TAFA2: variants seen among roughly 807,000 people sequenced by gnomAD.
The protein encoded by TAFA2 is TAFA chemokine like family member 2.
A neutral mutation model predicts 18.8 loss-of-function variants in TAFA2; 7 were observed. That is an observed-to-expected ratio of 0.37 (90% CI 0.21 to 0.70). The LOEUF (loss-of-function observed/expected upper bound fraction) is 0.70, where lower values mean the gene tolerates loss of function less well. TAFA2 is among the 30% of genes least tolerant of loss of function. TAFA2 has a pLI of 0.53. For missense variants in TAFA2, 122 were observed against 158.1 expected, an observed-to-expected ratio of 0.77 and a Z score of 1.23; for synonymous variants, 60 against 54.2, an observed-to-expected ratio of 1.11 and a Z score of -0.47.
chr12:61,960,601 C>T (rs113884561), intron 1 of TAFA2, among the ~76,000 whole-genome samples: 2,059 of 152,036 alleles, frequency 0.014, 11 homozygotes, highest in Non-Finnish European at 0.021. Context: ...TTTAGTCCTT[C>T]GGTTTCCCAT....
intron 2 of TAFA2, among the ~76,000 whole-genome samples, chr12:61,761,858 C>T (rs1869562177): frequency 6.6e-6 from 1 of 152,018 alleles, no homozygotes; most frequent in South Asian, 2.1e-4. Context: ...ATCCCCAATG[C>T]TGAAGATGGG....
At chr12:61,783,655 T>C (rs949599952) in intron 2 of TAFA2, among the ~76,000 whole-genome samples, 1 of 151,764 alleles carries the variant, frequency 6.6e-6, no homozygotes. Flanking sequence ...AAAAGGATAG[T>C]GAGCAAGAAA....
chr12:61,846,138 T>A (rs994439129), intron 2 of TAFA2, among the ~76,000 whole-genome samples: 2 of 152,166 alleles, frequency 1.3e-5, no homozygotes, highest in Non-Finnish European at 2.9e-5. Flanking sequence ...CAAAAGTTGA[T>A]CTTGAAAAAA....
intron 1 of TAFA2, among the ~76,000 whole-genome samples, chr12:62,075,967 C>G (rs1282272509): frequency 6.6e-6 from 1 of 152,194 alleles, no homozygotes; most frequent in Non-Finnish European, 1.5e-5. Flanking sequence ...CTAAACTGAA[C>G]TTCAGAGTGG....
intron 1 of TAFA2, among the ~76,000 whole-genome samples, chr12:61,965,332 T>C (rs894957093): frequency 6.6e-6 from 1 of 151,940 alleles, no homozygotes; most frequent in African/African-American, 2.4e-5. Flanking sequence ...AACCTGCCAG[T>C]GTCTCAATCT....
intron 1 of TAFA2, among the ~76,000 whole-genome samples, chr12:61,873,895 G>A (rs1874727124): frequency 6.6e-6 from 1 of 152,100 alleles, no homozygotes; most frequent in Non-Finnish European, 1.5e-5. Context: ...GGATATTAAA[G>A]CACAAGAGAC....
chr12:62,170,730 A>G (rs1184564464), intron 1 of TAFA2, among the ~76,000 whole-genome samples: 1 of 152,176 alleles, frequency 6.6e-6, no homozygotes, highest in African/African-American at 2.4e-5. Context: ...AATAATGTAC[A>G]TTGCACCCAT....
intron 2 of TAFA2, among the ~76,000 whole-genome samples, chr12:61,862,991 T>C (rs563405250): frequency 6.6e-6 from 1 of 152,344 alleles, no homozygotes; most frequent in South Asian, 2.1e-4. Flanking sequence ...CTGTACCTGC[T>C]ATATTCTCAG....
In TAFA2 at chr12:61,755,008, C is replaced by T. The variant is rs781446624; in HGVS notation, c.123G>A (p.Thr41=). Reference sequence around the variant, plus strand: ...GGAGTGCCACCACCTCACAAGTTCCCGTTTTAACATGGTGAGCTGCACAAA... The same window carrying T: ...GGAGTGCCACCACCTCACAAGTTCCTGTTTTAACATGGTGAGCTGCACAAA... ...ANHHKAHHVK[T]GTCEVVALHR... is the part of the protein sequence containing the mutation. Residue 41 remains threonine, a synonymous_variant, in exon 3 of 5, where the codon ACG becomes ACA. Coordinates refer to ENST00000416284, the MANE Select transcript of TAFA2 (RefSeq NM_178539.5). 9.9e-6 allele frequency: 16 copies of T among 1,612,622 alleles called. No individual in the cohort carries two copies. Among genetic ancestry groups the T allele is most frequent in the African/African-American group, 1.3e-5 (1 of 74,942 alleles).
intron 1 of TAFA2, among the ~76,000 whole-genome samples, chr12:62,124,582 G>C (rs1051060870): frequency 6.6e-6 from 1 of 152,068 alleles, no homozygotes; most frequent in Non-Finnish European, 1.5e-5. Context: ...TATAAAAGGA[G>C]AATGGTTAAA....
At chr12:61,819,626 C>A (rs992412318) in intron 2 of TAFA2, among the ~76,000 whole-genome samples, 6 of 152,032 alleles carry the variant, frequency 3.9e-5, no homozygotes, top group African/African-American at 1.4e-4. Flanking sequence ...GCTCGTTTTT[C>A]CTCTGGCAGG....
At chr12:62,095,289 C>A (rs1198156852) in intron 1 of TAFA2, among the ~76,000 whole-genome samples, 1 of 152,016 alleles carries the variant, frequency 6.6e-6, no homozygotes, top group Non-Finnish European at 1.5e-5. Flanking sequence ...TAATTGCCAC[C>A]CTGCTGGAGT....
chr12:61,890,990 T>C (rs1378867676), intron 1 of TAFA2, among the ~76,000 whole-genome samples: 1 of 152,192 alleles, frequency 6.6e-6, no homozygotes, highest in African/African-American at 2.4e-5. Context: ...ACAGATCTGT[T>C]TTAGAAAATC....
At chr12:61,808,863 T>A (rs1241384557) in intron 2 of TAFA2, among the ~76,000 whole-genome samples, 3 of 151,510 alleles carry the variant, frequency 2.0e-5, no homozygotes. Flanking sequence ...AATTAACAAC[T>A]ATATCAAATC....
chr12:61,920,762 T>C (rs1877017429), intron 1 of TAFA2, among the ~76,000 whole-genome samples: 1 of 151,900 alleles, frequency 6.6e-6, no homozygotes, highest in African/African-American at 2.4e-5. Context: ...AAAAAATTCC[T>C]CCCCTATGCT....
intron 1 of TAFA2, among the ~76,000 whole-genome samples, chr12:61,973,519 C>T (rs997262241): frequency 3.3e-5 from 5 of 150,524 alleles, no homozygotes; most frequent in African/African-American, 7.3e-5. Context: ...TTTGTCTTCA[C>T]ATTATTAGCA....
chr12:62,001,118 T>C (rs942887221), intron 1 of TAFA2, among the ~76,000 whole-genome samples: 1 of 152,210 alleles, frequency 6.6e-6, no homozygotes, highest in Admixed American at 6.5e-5. Flanking sequence ...GAGGTTCCAC[T>C]GCTGCTTGGA....
chr12:62,204,498 C>T (rs1363748730), intron 1 of TAFA2, among the ~76,000 whole-genome samples: 1 of 151,876 alleles, frequency 6.6e-6, no homozygotes, highest in Non-Finnish European at 1.5e-5. Context: ...TACATAAGCC[C>T]ATAGTTCTCG....
intron 1 of TAFA2, among the ~76,000 whole-genome samples, chr12:61,883,706 C>T (rs1457353585): frequency 6.6e-6 from 1 of 152,158 alleles, no homozygotes; most frequent in African/African-American, 2.4e-5. Flanking sequence ...TAATGCAAAG[C>T]ACCAGACCAG....
Sources: allele counts gnomAD v4.1 joint callset (sites outside exome capture counted in the v4.1 genomes callset), GRCh38; gene constraint gnomAD v4.1.1; transcripts MANE v1.5; gene names NCBI Gene and HGNC (gene_info 2026-07-23, HGNC 2026-07-21).